The following ADGRL3 variants were observed in gnomAD, a reference collection of about 807,000 sequenced individuals.
The protein encoded by ADGRL3 is calcium-independent alpha-latrotoxin receptor 3.
In ADGRL3, 62 loss-of-function variants were observed where a neutral mutation model predicts 153.5. The ratio of observed to expected loss-of-function variants is 0.40; its 90% confidence interval spans 0.33 to 0.50. The LOEUF (loss-of-function observed/expected upper bound fraction) is 0.50, where lower values mean the gene tolerates loss of function less well. Among genes scored for constraint, ADGRL3 ranks in the 20% least tolerant of loss-of-function variants. ADGRL3 has a pLI of 0.47. For synonymous variants in ADGRL3, 710 were observed against 672.5 expected (o/e 1.06, Z -0.86); for missense variants, 1,641 against 1,859.4 (o/e 0.88, Z 2.16).
chr4:61,658,541 G>T (rs772270067), intron 5 of ADGRL3, among the ~76,000 whole-genome samples: 15 of 152,088 alleles, frequency 9.9e-5, no homozygotes, highest in Non-Finnish European at 2.1e-4. Context: ...CATAGTGTTG[G>T]ACACAGTGAA....
chr4:61,891,702 A>T (rs1373513052), intron 9 of ADGRL3, among the ~76,000 whole-genome samples: 2 of 152,146 alleles, frequency 1.3e-5, no homozygotes, highest in Non-Finnish European at 2.9e-5. Context: ...CTTGAATCAG[A>T]CTAGAGCCAA....
chr4:61,367,386 A>C (rs1357580093), intron 1 of ADGRL3, among the ~76,000 whole-genome samples: 41 of 136,644 alleles, frequency 3.0e-4, no homozygotes, highest in Middle Eastern at 3.4e-3. Context: ...ATCCCTCCCC[A>C]CTCCCCCCAC....
chr4:61,713,959 T>C (rs2151515174), intron 6 of ADGRL3, among the ~76,000 whole-genome samples: 1 of 152,290 alleles, frequency 6.6e-6, no homozygotes, highest in African/African-American at 2.4e-5. Flanking sequence ...TATCTTTCTC[T>C]TTCTCCATTC....
At chr4:61,448,533 G>T (rs2097617383) in intron 2 of ADGRL3, among the ~76,000 whole-genome samples, 1 of 152,086 alleles carries the variant, frequency 6.6e-6, no homozygotes, top group South Asian at 2.1e-4. Context: ...TTATTGTGAT[G>T]TTTAAATGGC....
intron 5 of ADGRL3, among the ~76,000 whole-genome samples, chr4:61,619,516 TACACACACACAC>T (rs34015455): frequency 4.5e-4 from 68 of 149,518 alleles, no homozygotes; most frequent in Non-Finnish European, 3.1e-4. Flanking sequence ...GAATGTGAGA[TACACACACACAC>T]ACACACACAC....
At chr4:61,234,465 G>C (rs1276605670) in intron 1 of ADGRL3, among the ~76,000 whole-genome samples, 1 of 152,124 alleles carries the variant, frequency 6.6e-6, no homozygotes, top group Non-Finnish European at 1.5e-5. Context: ...TTGAGATTTG[G>C]ATGGGGACAC....
At chr4:61,973,279 C>T (rs191637750) in intron 17 of ADGRL3, among the ~76,000 whole-genome samples, 2 of 151,914 alleles carry the variant, frequency 1.3e-5, no homozygotes, top group Admixed American at 6.6e-5. Flanking sequence ...ATTGAGTGTA[C>T]CTCATGGTAT....
At chr4:61,240,837 T>C (rs1190536869) in intron 1 of ADGRL3, among the ~76,000 whole-genome samples, 1 of 152,082 alleles carries the variant, frequency 6.6e-6, no homozygotes, top group Non-Finnish European at 1.5e-5. Flanking sequence ...TTGATTACAA[T>C]CTTATGCATA....
chr4:61,671,553 A>G (rs549012369), intron 5 of ADGRL3, among the ~76,000 whole-genome samples: 1 of 152,308 alleles, frequency 6.6e-6, no homozygotes, highest in South Asian at 2.1e-4. Flanking sequence ...GATTGCAGAA[A>G]AGTCTATATA....
chr4:61,267,595 T>C (rs2092926851), intron 1 of ADGRL3, among the ~76,000 whole-genome samples: 1 of 151,684 alleles, frequency 6.6e-6, no homozygotes, highest in Non-Finnish European at 1.5e-5. Flanking sequence ...TGAATTGATA[T>C]TGTAAGTATG....
intron 3 of ADGRL3, among the ~76,000 whole-genome samples, chr4:61,514,583 CCT>C (rs1295366789): frequency 6.6e-6 from 1 of 152,058 alleles, no homozygotes; most frequent in Non-Finnish European, 1.5e-5. Context: ...AGTGTAACAG[CCT>C]CTCTAGTTTT....
At chr4:61,401,838 G>T (rs2096933448) in intron 2 of ADGRL3, among the ~76,000 whole-genome samples, 1 of 151,980 alleles carries the variant, frequency 6.6e-6, no homozygotes. Context: ...ATATTTGAAT[G>T]CCAGTGTTTC....
chr4:61,842,245 G>A (rs974022846), intron 9 of ADGRL3, among the ~76,000 whole-genome samples: 1 of 152,132 alleles, frequency 6.6e-6, no homozygotes, highest in Admixed American at 6.5e-5. Flanking sequence ...AGGTGGCTAA[G>A]AAAATTATAC....
chr4:61,221,970 A>G (rs1455945682), intron 1 of ADGRL3, among the ~76,000 whole-genome samples: 1 of 152,150 alleles, frequency 6.6e-6, no homozygotes, highest in Non-Finnish European at 1.5e-5. Flanking sequence ...TTAATCTTCT[A>G]TGTGGTTAAA....
intron 21 of ADGRL3, among the ~76,000 whole-genome samples, chr4:62,005,649 G>A (rs1342519535): frequency 6.6e-6 from 1 of 151,998 alleles, no homozygotes; most frequent in Non-Finnish European, 1.5e-5. Context: ...TGTGCAGTCA[G>A]ACTATGGAAA....
chr4:61,866,675 A>G (rs1433181111), intron 9 of ADGRL3, among the ~76,000 whole-genome samples: 1 of 152,186 alleles, frequency 6.6e-6, no homozygotes, highest in Non-Finnish European at 1.5e-5. Context: ...CTGAAACTTC[A>G]TAATGAAGGA....
At chr4:61,241,064 G>GTA (rs1419381935) in intron 1 of ADGRL3, among the ~76,000 whole-genome samples, 1 of 152,012 alleles carries the variant, frequency 6.6e-6, no homozygotes, top group African/African-American at 2.4e-5. Flanking sequence ...AAAACTGTGT[G>GTA]TATATATATG....
At chr4:61,415,104 C>A (rs1426702017) in intron 2 of ADGRL3, among the ~76,000 whole-genome samples, 3 of 151,682 alleles carry the variant, frequency 2.0e-5, no homozygotes, top group African/African-American at 7.3e-5. Context: ...TGAAGACAGT[C>A]TTTATAAAAA....
chr4:62,025,325 C>T (rs1420678326), intron 21 of ADGRL3, among the ~76,000 whole-genome samples: 2 of 152,268 alleles, frequency 1.3e-5, no homozygotes, highest in Admixed American at 6.5e-5. Context: ...ATTCTTCCTC[C>T]ACTGCCTGCT....
Sources: gnomAD v4.1 joint callset for allele counts (sites outside exome capture counted in the v4.1 genomes callset) on GRCh38, gnomAD v4.1.1 for gene constraint, MANE v1.5 for transcripts, NCBI Gene and HGNC (gene_info 2026-07-23, HGNC 2026-07-21) for gene names.